Variants in RTL4 observed in about 807,000 individuals in gnomAD.
RTL4 encodes retrotransposon Gag-like protein 4.
In RTL4, 4 loss-of-function variants were observed where a neutral mutation model predicts 5.3. That is an observed-to-expected ratio of 0.75 (90% CI 0.37 to 1.72). The LOEUF (loss-of-function observed/expected upper bound fraction) is 1.72, where lower values mean the gene tolerates loss of function less well. RTL4 is among the 40% of genes most tolerant of loss of function. The pLI is 0.04. For missense variants in RTL4, 260 were observed against 227.1 expected, an observed-to-expected ratio of 1.14 and a Z score of -0.93; for synonymous variants, 98 against 87.3, an observed-to-expected ratio of 1.12 and a Z score of -0.68.
chrX:112,196,130 T>C, the RTL4 span, among the ~76,000 whole-genome samples: 8 of 111,335 alleles, frequency 7.2e-5, no homozygotes, highest in African/African-American at 2.6e-4. Flanking sequence ...TCATAGACAC[T>C]CCCACTTCTC....
the RTL4 span, among the ~76,000 whole-genome samples, chrX:112,410,091 G>C: frequency 5.5e-3 from 617 of 111,835 alleles, 2 homozygotes; most frequent in Non-Finnish European, 9.2e-3. Flanking sequence ...AGTTATATCA[G>C]ACAAAATAGA....
chrX:112,426,857 A>G, the RTL4 span, among the ~76,000 whole-genome samples: 2 of 111,112 alleles, frequency 1.8e-5, no homozygotes, highest in Non-Finnish European at 3.8e-5. Flanking sequence ...CTGCACTTGC[A>G]TCCCGGAACT....
the RTL4 span, among the ~76,000 whole-genome samples, chrX:112,212,190 C>A: frequency 1.8e-5 from 2 of 111,380 alleles, no homozygotes; most frequent in Non-Finnish European, 3.8e-5. Flanking sequence ...TCCTGGCGAA[C>A]ACGGTGAAAC....
the RTL4 span, among the ~76,000 whole-genome samples, chrX:112,167,893 G>A: frequency 1.8e-5 from 2 of 109,007 alleles, no homozygotes; most frequent in Non-Finnish European, 3.8e-5. Context: ...AAAAAAACAC[G>A]GTCAACATTT....
chrX:112,428,683 T>C, the RTL4 span, among the ~76,000 whole-genome samples: 1 of 111,115 alleles, frequency 9.0e-6, no homozygotes, highest in African/African-American at 3.3e-5. Flanking sequence ...TTGATGGTGC[T>C]TTTGAGTTCA....
At chrX:112,252,724 T>A in the RTL4 span, among the ~76,000 whole-genome samples, 1 of 111,288 alleles carries the variant, frequency 9.0e-6, no homozygotes, top group South Asian at 3.8e-4. Context: ...TCTGTCACAA[T>A]TTTTCTGTTC....
At chrX:112,142,827 G>T in the RTL4 span, among the ~76,000 whole-genome samples, 1 of 111,374 alleles carries the variant, frequency 9.0e-6, no homozygotes, top group Non-Finnish European at 1.9e-5. Context: ...AGACAAAGGA[G>T]AAATTTTTTT....
the RTL4 span, chrX:112,381,305 C>T: frequency 8.3e-7 from 1 of 1,209,635 alleles, no homozygotes; most frequent in East Asian, 3.0e-5. Flanking sequence ...GCTCCTTCCA[C>T]CGTATCATAG....
At chrX:112,291,576 G>A in the RTL4 span, among the ~76,000 whole-genome samples, 2 of 110,008 alleles carry the variant, frequency 1.8e-5, no homozygotes, top group African/African-American at 6.6e-5. Context: ...CTACCCCTAC[G>A]TACTTGACCT....
the RTL4 span, among the ~76,000 whole-genome samples, chrX:112,262,794 C>A: frequency 1.8e-5 from 2 of 110,660 alleles, no homozygotes; most frequent in Non-Finnish European, 3.8e-5. Flanking sequence ...GGATCCAACC[C>A]AAATGTCCAT....
At chrX:112,157,909 C>T in the RTL4 span, among the ~76,000 whole-genome samples, 1 of 111,941 alleles carries the variant, frequency 8.9e-6, no homozygotes, top group South Asian at 3.7e-4. Context: ...TTTAAAAACT[C>T]ACCTTTGCCA....
chrX:112,282,747 T>C, the RTL4 span, among the ~76,000 whole-genome samples: 1 of 111,641 alleles, frequency 9.0e-6, no homozygotes, highest in Admixed American at 9.6e-5. Context: ...TTCATAGCTA[T>C]GGTAAATCAG....
At chrX:112,296,687 G>T in the RTL4 span, among the ~76,000 whole-genome samples, 1 of 103,867 alleles carries the variant, frequency 9.6e-6, no homozygotes, top group Non-Finnish European at 2.0e-5. Context: ...TCGGCTCACT[G>T]CAAGCTCCGC....
chrX:112,249,794 G>T, the RTL4 span, among the ~76,000 whole-genome samples: 8,597 of 102,438 alleles, frequency 0.084, 448 homozygotes, highest in African/African-American at 0.17. Context: ...TATATATATA[G>T]AGAGAGAGAG....
At chrX:112,325,382 A>T in the RTL4 span, among the ~76,000 whole-genome samples, 1 of 111,852 alleles carries the variant, frequency 8.9e-6, no homozygotes, top group Admixed American at 9.5e-5. Flanking sequence ...GAGGCATCAC[A>T]CTACCTGACT....
At chrX:112,421,520 C>T in the RTL4 span, among the ~76,000 whole-genome samples, 2 of 111,797 alleles carry the variant, frequency 1.8e-5, no homozygotes, top group Non-Finnish European at 3.8e-5. Context: ...TTGTGGACAA[C>T]GTAAATGATA....
the RTL4 span, among the ~76,000 whole-genome samples, chrX:112,296,839 G>T: frequency 9.4e-6 from 1 of 106,646 alleles, no homozygotes; most frequent in Non-Finnish European, 1.9e-5. Flanking sequence ...GGATGGTCTC[G>T]ATCTCCTGAC....
the RTL4 span, among the ~76,000 whole-genome samples, chrX:112,368,231 A>G: frequency 1.3e-4 from 15 of 111,582 alleles, no homozygotes; most frequent in Admixed American, 9.5e-5. Context: ...CTGGTCTAAG[A>G]CAGTGGGTGT....
chrX:112,450,668 G>T (rs1926720252), upstream of RTL4, among the ~76,000 whole-genome samples: 1 of 111,883 alleles, frequency 8.9e-6, no homozygotes, highest in African/African-American at 3.2e-5. Context: ...CTTAGCAAGT[G>T]TTTCACCAGT....
Sources: gnomAD v4.1 joint callset for allele counts (sites outside exome capture counted in the v4.1 genomes callset) on GRCh38, gnomAD v4.1.1 for gene constraint, MANE v1.5 for transcripts, NCBI Gene and HGNC (gene_info 2026-07-23, HGNC 2026-07-21) for gene names.